The following CNTN5 variants were observed in gnomAD, a reference collection of about 807,000 sequenced individuals.
CNTN5 encodes the protein contactin-5.
CNTN5 carries 77 observed loss-of-function variants against 129.1 expected under a neutral mutation model. The observed-to-expected ratio is 0.60, with a 90% CI of 0.50 to 0.72. CNTN5 has a LOEUF of 0.72. Ranked by LOEUF, CNTN5 falls within the 30% of genes least tolerant of loss-of-function variation. The pLI is 0.00. For missense variants in CNTN5, 1,478 were observed against 1,328.8 expected, an observed-to-expected ratio of 1.11 and a Z score of -1.75; for synonymous variants, 509 against 465.6, an observed-to-expected ratio of 1.09 and a Z score of -1.20.
intron 9 of CNTN5, among the ~76,000 whole-genome samples, chr11:100,048,234 A>G (rs1022002242): frequency 6.6e-6 from 1 of 152,180 alleles, no homozygotes; most frequent in South Asian, 2.1e-4. Flanking sequence ...TTGGGCCTTT[A>G]GACTTGAGGG....
intron 2 of CNTN5, among the ~76,000 whole-genome samples, chr11:99,513,990 A>G (rs1206117027): frequency 6.6e-6 from 1 of 152,090 alleles, no homozygotes; most frequent in East Asian, 1.9e-4. Context: ...AACCTTCTTG[A>G]AAGGATTTAC....
chr11:99,241,080 A>T (rs1189606267), intron 1 of CNTN5, among the ~76,000 whole-genome samples: 1 of 152,148 alleles, frequency 6.6e-6, no homozygotes, highest in Non-Finnish European at 1.5e-5. Context: ...TTATTTTGTA[A>T]TTATAACCTG....
chr11:100,354,871 T>TA (rs1244537289), intron 24 of CNTN5, among the ~76,000 whole-genome samples: 9 of 151,628 alleles, frequency 5.9e-5, no homozygotes, highest in African/African-American at 1.9e-4. Context: ...GTATAAAAGA[T>TA]AAAAAAATGG....
At chr11:99,819,327 C>CT (rs1946703223) in intron 3 of CNTN5, among the ~76,000 whole-genome samples, 1 of 107,332 alleles carries the variant, frequency 9.3e-6, no homozygotes, top group African/African-American at 3.7e-5. Flanking sequence ...CCCCTCCCCT[C>CT]CCCTCCCCTC....
intron 15 of CNTN5, among the ~76,000 whole-genome samples, chr11:100,213,255 G>T (rs557052512): frequency 6.6e-6 from 1 of 152,230 alleles, no homozygotes; most frequent in East Asian, 1.9e-4. Context: ...GATAATTGGT[G>T]TTGCAATAAA....
chr11:100,152,105 C>A (rs1476518017), intron 13 of CNTN5, among the ~76,000 whole-genome samples: 1 of 152,104 alleles, frequency 6.6e-6, no homozygotes, highest in Non-Finnish European at 1.5e-5. Flanking sequence ...AATCGTCAAC[C>A]AGACTTCCAC....
At chr11:100,183,106 G>A (rs1288365520) in intron 13 of CNTN5, among the ~76,000 whole-genome samples, 1 of 152,066 alleles carries the variant, frequency 6.6e-6, no homozygotes, top group East Asian at 1.9e-4. Flanking sequence ...AAAATAGACT[G>A]ACCATACGAA....
intron 2 of CNTN5, among the ~76,000 whole-genome samples, chr11:99,502,712 T>C (rs1244752593): frequency 6.6e-6 from 1 of 152,170 alleles, no homozygotes; most frequent in Admixed American, 6.5e-5. Context: ...CAGTAACTTA[T>C]TTTCAACAAA....
intron 15 of CNTN5, among the ~76,000 whole-genome samples, chr11:100,204,961 G>A (rs549246223): frequency 6.6e-6 from 1 of 151,974 alleles, no homozygotes; most frequent in Admixed American, 6.6e-5. Context: ...TACCTTGTAG[G>A]AATAATATAT....
intron 2 of CNTN5, among the ~76,000 whole-genome samples, chr11:99,403,107 C>T (rs957337507): frequency 6.7e-6 from 1 of 148,784 alleles, no homozygotes; most frequent in African/African-American, 2.5e-5. Context: ...CCCGGGTTCA[C>T]GCCATTCTCC....
intron 3 of CNTN5, among the ~76,000 whole-genome samples, chr11:99,684,110 G>A (rs1024335683): frequency 1.3e-5 from 2 of 151,606 alleles, no homozygotes; most frequent in African/African-American, 2.4e-5. Flanking sequence ...ACCCCCGTCT[G>A]GTAACCACAC....
chr11:100,089,723 G>T (rs1316712410), intron 13 of CNTN5, among the ~76,000 whole-genome samples: 1 of 152,058 alleles, frequency 6.6e-6, no homozygotes, highest in Non-Finnish European at 1.5e-5. Context: ...CCATAGAAAG[G>T]GACAAGATCA....
At chr11:99,951,979 T>C (rs2136151112) in intron 7 of CNTN5, among the ~76,000 whole-genome samples, 2 of 152,304 alleles carry the variant, frequency 1.3e-5, no homozygotes, top group African/African-American at 4.8e-5. Context: ...ACACACCAAG[T>C]ATCTTGTTGA....
At chr11:99,152,189 A>G (rs181585162) in intron 1 of CNTN5, among the ~76,000 whole-genome samples, 106 of 152,322 alleles carry the variant, frequency 7.0e-4, no homozygotes, top group Non-Finnish European at 8.4e-4. Flanking sequence ...ACTTGCGCCC[A>G]CATCAACTTT....
intron 1 of CNTN5, among the ~76,000 whole-genome samples, chr11:99,289,092 T>A (rs374740849): frequency 6.6e-6 from 1 of 151,868 alleles, no homozygotes; most frequent in East Asian, 1.9e-4. Context: ...CTCTATAATA[T>A]AGATAATAAA....
chr11:99,370,308 C>T (rs1463459989), intron 2 of CNTN5, among the ~76,000 whole-genome samples: 3 of 152,124 alleles, frequency 2.0e-5, no homozygotes, highest in African/African-American at 7.2e-5. Flanking sequence ...TTTTGAAAAT[C>T]ATCTTTTGGA....
intron 8 of CNTN5, among the ~76,000 whole-genome samples, chr11:100,000,957 C>T (rs761163940): frequency 3.3e-5 from 5 of 152,082 alleles, no homozygotes; most frequent in Non-Finnish European, 5.9e-5. Flanking sequence ...CGAGGCTGCA[C>T]GGAGAAGTGG....
At chr11:100,118,126 A>T (rs1447599453) in intron 13 of CNTN5, among the ~76,000 whole-genome samples, 1 of 151,856 alleles carries the variant, frequency 6.6e-6, no homozygotes, top group Admixed American at 6.6e-5. Flanking sequence ...AATCTATGGT[A>T]TGAGATAAAT....
chr11:99,756,087 A>G lies in CNTN5; in HGVS notation c.56-63457A>G, dbSNP rs371358395. Among the ~76,000 whole-genome samples, 574 of 152,246 alleles carry G rather than the reference A, an allele frequency of 3.8e-3. 4 individuals carry two copies. Among genetic ancestry groups the G allele is most frequent in the African/African-American group, 0.013 (539 of 41,586 alleles). On this transcript the variant is annotated intron_variant, in intron 3 of 24. Coordinates refer to ENST00000524871, the MANE Select transcript of CNTN5 (RefSeq NM_014361.4). ...GGCTAAATAAAGCCTATGATTTGAC[A>G]GATCATTATTTTTTCAGGTTGTCTA...
Sources: gnomAD v4.1 joint callset for allele counts (sites outside exome capture counted in the v4.1 genomes callset) on GRCh38, gnomAD v4.1.1 for gene constraint, MANE v1.5 for transcripts, NCBI Gene and HGNC (gene_info 2026-07-23, HGNC 2026-07-21) for gene names.